KHDRBS2: variants seen among roughly 807,000 people sequenced by gnomAD.
KHDRBS2 encodes the protein KH RNA binding domain containing, signal transduction associated 2.
In KHDRBS2, 26 loss-of-function variants were observed where a neutral mutation model predicts 44.3. The observed-to-expected ratio is 0.59, with a 90% confidence interval of 0.43 to 0.81. The LOEUF (loss-of-function observed/expected upper bound fraction) is 0.81. Ranked by LOEUF, KHDRBS2 falls within the 40% of genes least tolerant of loss-of-function variation. The pLI, the probability that KHDRBS2 is intolerant of heterozygous loss-of-function variation, is 0.00. For missense variants in KHDRBS2, 476 were observed against 433.1 expected (o/e 1.10, Z -0.88); for synonymous variants, 194 against 151.1 (o/e 1.28, Z -2.08).
intron 6 of KHDRBS2, among the ~76,000 whole-genome samples, chr6:61,820,393 T>C (rs1054029338): frequency 1.3e-5 from 2 of 151,838 alleles, no homozygotes; most frequent in South Asian, 2.1e-4. Flanking sequence ...TAGAATGAAA[T>C]ATAAGATTTT....
chr6:61,571,945 C>G, the KHDRBS2 span, among the ~76,000 whole-genome samples: 1 of 151,834 alleles, frequency 6.6e-6, no homozygotes, highest in Non-Finnish European at 1.5e-5. Flanking sequence ...CCCAAATCAG[C>G]AGAAGAAAAA....
chr6:61,678,997 G>A (rs1416975947), downstream of KHDRBS2: 1 of 151,826 alleles, frequency 6.6e-6, no homozygotes, highest in African/African-American at 2.4e-5. Flanking sequence ...TAACTCAACA[G>A]CATTTTGTAA....
chr6:61,975,653 GCACACA>G (rs567222441), intron 4 of KHDRBS2, among the ~76,000 whole-genome samples: 38 of 88,402 alleles, frequency 4.3e-4, no homozygotes, highest in Admixed American at 1.4e-4. Flanking sequence ...TAAGCAAGAT[GCACACA>G]CACACACACA....
At chr6:62,253,023 C>A (rs1425121430) in intron 1 of KHDRBS2, among the ~76,000 whole-genome samples, 2 of 152,010 alleles carry the variant, frequency 1.3e-5, no homozygotes, top group Non-Finnish European at 2.9e-5. Flanking sequence ...GAGTGTAACA[C>A]TGGGTGGCTT....
intron 1 of KHDRBS2, among the ~76,000 whole-genome samples, chr6:62,255,847 C>T (rs769965726): frequency 1.3e-5 from 2 of 151,706 alleles, no homozygotes; most frequent in Non-Finnish European, 2.9e-5. Context: ...AAACTCAAAA[C>T]AAGGCCAGTT....
At chr6:61,930,533 AAAAAAAAAAAAAG>A (rs1286778813) in intron 4 of KHDRBS2, among the ~76,000 whole-genome samples, 617 of 34,164 alleles carry the variant, frequency 0.018, 60 homozygotes, top group South Asian at 0.05. Flanking sequence ...TAAAAAAAAA[AAAAAAAAAAAAAG>A]AAAAAAAAAA....
intron 2 of KHDRBS2, among the ~76,000 whole-genome samples, chr6:62,168,936 A>G (rs1331754948): frequency 1.3e-5 from 2 of 150,564 alleles, no homozygotes; most frequent in African/African-American, 4.9e-5. Context: ...CTATAGGTGG[A>G]GATGTTAAAA....
chr6:61,772,503 T>C (rs945358469), intron 6 of KHDRBS2, among the ~76,000 whole-genome samples: 2 of 152,080 alleles, frequency 1.3e-5, no homozygotes, highest in South Asian at 2.1e-4. Context: ...CCCACAGAAA[T>C]ACAAACTACC....
chr6:61,772,697 A>G (rs967126898), intron 6 of KHDRBS2, among the ~76,000 whole-genome samples: 1 of 151,878 alleles, frequency 6.6e-6, no homozygotes, highest in Non-Finnish European at 1.5e-5. Flanking sequence ...TGTGCACATT[A>G]GTTACATATG....
At chr6:61,818,697 C>T (rs1308747102) in intron 6 of KHDRBS2, among the ~76,000 whole-genome samples, 1 of 151,966 alleles carries the variant, frequency 6.6e-6, no homozygotes, top group Non-Finnish European at 1.5e-5. Context: ...TCATTATACT[C>T]ATCCATTTCC....
intron 4 of KHDRBS2, among the ~76,000 whole-genome samples, chr6:61,913,318 G>C (rs1425705147): frequency 1.3e-5 from 2 of 151,882 alleles, no homozygotes; most frequent in South Asian, 2.1e-4. Flanking sequence ...TGCCTGAGGT[G>C]GGATTTTTAT....
chr6:61,866,650 G>A (rs1291604612), intron 6 of KHDRBS2, among the ~76,000 whole-genome samples: 1 of 152,150 alleles, frequency 6.6e-6, no homozygotes, highest in Non-Finnish European at 1.5e-5. Flanking sequence ...TGCAACTTTT[G>A]TGAATTTCTG....
At position 61,978,120 on chromosome 6, in the gene KHDRBS2, T is replaced by G; in HGVS notation, c.429A>C (p.Glu143Asp). 1 of 1,612,044 alleles carries G rather than the reference T, an allele frequency of 6.2e-7. No homozygotes were observed. Among genetic ancestry groups the G allele is most frequent in the Non-Finnish European group, 8.5e-7 (1 of 1,178,842 alleles). The change falls in exon 4 of 9, where the codon GAA (glutamate) becomes GAC (aspartate). Residue 143 changes from glutamate (E) to aspartate (D), a missense_variant. Transcript: ENST00000281156. ...ATGCATGACTCATACGTGAATAAGCTTCCCCAGGTGGAGCAAACACTTCAA... is the reference window on the plus strand; with the variant it reads ...ATGCATGACTCATACGTGAATAAGCGTCCCCAGGTGGAGCAAACACTTCAA... The part of the protein sequence containing the change: ...VLIEVFAPPG[E>D]AYSRMSHALE...
intron 2 of KHDRBS2, among the ~76,000 whole-genome samples, chr6:62,063,428 A>G (rs1792591813): frequency 6.6e-6 from 1 of 151,332 alleles, no homozygotes; most frequent in Non-Finnish European, 1.5e-5. Context: ...AAGCTTACCC[A>G]CCATGATCAA....
chr6:61,967,727 ACTG>A (rs1770364497), intron 4 of KHDRBS2, among the ~76,000 whole-genome samples: 1 of 151,608 alleles, frequency 6.6e-6, no homozygotes, highest in South Asian at 2.1e-4. Context: ...GATTTCCTAC[ACTG>A]TCTAGGACTC....
intron 1 of KHDRBS2, among the ~76,000 whole-genome samples, chr6:62,198,444 A>G (rs920118617): frequency 2.0e-5 from 3 of 152,188 alleles, no homozygotes; most frequent in African/African-American, 7.2e-5. Flanking sequence ...ACCATCAGAG[A>G]ATACTATAAA....
At chr6:61,654,213 T>C in the KHDRBS2 span, among the ~76,000 whole-genome samples, 15 of 152,074 alleles carry the variant, frequency 9.9e-5, no homozygotes, top group Non-Finnish European at 1.8e-4. Context: ...TATAAATCAG[T>C]TCCTTTCAGT....
chr6:62,264,697 TACC>T (rs1349918552), intron 1 of KHDRBS2, among the ~76,000 whole-genome samples: 3 of 151,770 alleles, frequency 2.0e-5, no homozygotes, highest in Non-Finnish European at 4.4e-5. Context: ...AGGGATTTAT[TACC>T]ACATCATTCC....
intron 1 of KHDRBS2, among the ~76,000 whole-genome samples, chr6:62,196,066 G>T (rs1427696218): frequency 6.6e-6 from 1 of 152,000 alleles, no homozygotes; most frequent in African/African-American, 2.4e-5. Flanking sequence ...ATGACCTCAA[G>T]GTTTCCTTTA....
Sources: allele counts gnomAD v4.1 joint callset (sites outside exome capture counted in the v4.1 genomes callset), GRCh38; gene constraint gnomAD v4.1.1; transcripts MANE v1.5; gene names NCBI Gene and HGNC (gene_info 2026-07-23, HGNC 2026-07-21).